Variants in BTBD7 observed in about 807,000 individuals in gnomAD.
The protein encoded by BTBD7 is BTB/POZ domain-containing protein 7.
In BTBD7, 38 loss-of-function variants were observed where a neutral mutation model predicts 99.9. The ratio of observed to expected loss-of-function variants is 0.38; its 90% confidence interval spans 0.29 to 0.50. BTBD7 has a LOEUF of 0.50. BTBD7 is among the 20% of genes least tolerant of loss of function. The probability of loss-of-function intolerance (pLI) is 0.93; values close to 1 mark genes in which losing one functional copy is unlikely to be tolerated. For missense variants in BTBD7, 1,170 were observed against 1,394.6 expected (o/e 0.84, Z 2.57); for synonymous variants, 520 against 511.4 (o/e 1.02, Z -0.23).
Position 93,246,158 on chromosome 14 carries a change from A to G in BTBD7, c.2250T>C (p.Ser750=). Residue 750 remains serine (S), a synonymous_variant, in exon 10 of 11, where the codon TCT becomes TCC. Coordinates refer to ENST00000334746, the MANE Select transcript of BTBD7 (RefSeq NM_001002860.4). The stretch of plus-strand genomic sequence containing the variant: ...GCAAGGGTGGATGGAAGGCCACAAA[A>G]GAGTCCAGATCTGTAAACATGGTTT... ...PAETMFTDLD[S]FVAFHPPLPP... is the part of the protein sequence containing the mutation. 5.6e-6 allele frequency: 9 copies of G among 1,614,068 alleles called. No individual in the cohort carries two copies. The highest frequency in any genetic ancestry group is 7.6e-6 in the Non-Finnish European group (9 of 1,179,970).
intron 3 of BTBD7, among the ~76,000 whole-genome samples, chr14:93,279,761 T>G (rs536914929): frequency 2.6e-5 from 4 of 152,216 alleles, no homozygotes; most frequent in Non-Finnish European, 5.9e-5. Context: ...TTGGCCAGAC[T>G]GATGGACTAT....
At chr14:93,332,792 A>C in intron 1 of BTBD7, 28 bp downstream of exon 1, 1 of 1,462,946 alleles carries the variant, frequency 6.8e-7, no homozygotes, top group Non-Finnish European at 9.0e-7. Flanking sequence ...TCGGCTCCAC[A>C]GCCTCAGAGA....
In BTBD7 at chr14:93,323,592, T is replaced by G. The variant is rs188032874; in HGVS notation, c.-107+9228A>C. Among the ~76,000 whole-genome samples, 395 of 152,338 alleles carry G rather than the reference T, an allele frequency of 2.6e-3. 1 individual carries two copies. Among genetic ancestry groups the G allele is most frequent in the Non-Finnish European group, 3.9e-3 (266 of 68,036 alleles). ...GTCTCATGAAGCATATTATAGAATT[T>G]TTCTCTAAAGAATAATTCACAATTG... On this transcript the variant is annotated intron_variant, in intron 1 of 10. Coordinates refer to ENST00000334746, the MANE Select transcript of BTBD7 (RefSeq NM_001002860.4).
rs199771497 is a variant in BTBD7, at chr14:93,245,307, T to TCAGAGG, written c.2583+512_2583+517dup. Among the ~76,000 whole-genome samples, 983 of 152,378 alleles carry TCAGAGG rather than the reference T, an allele frequency of 6.5e-3. 9 individuals are homozygous for TCAGAGG. Among genetic ancestry groups the TCAGAGG allele is most frequent in the African/African-American group, 0.022 (930 of 41,602 alleles). ...GAAGTGGGGGCTCTGCTGATGAGCT[T>TCAGAGG]CAGAGGCAGAGGCATGCCTGAGGCC... On this transcript the variant is annotated intron_variant, in intron 10 of 10. Transcript: ENST00000334746.
At chr14:93,291,472 G>A (rs1288705476) in intron 3 of BTBD7, among the ~76,000 whole-genome samples, 15 of 152,096 alleles carry the variant, frequency 9.9e-5, no homozygotes, top group Non-Finnish European at 2.1e-4. Context: ...CCTCAAGCGA[G>A]CTAATATTCT....
intron 1 of BTBD7, among the ~76,000 whole-genome samples, chr14:93,322,796 C>T (rs1157731462): frequency 6.6e-6 from 1 of 152,142 alleles, no homozygotes; most frequent in Non-Finnish European, 1.5e-5. Flanking sequence ...AAGGTATACT[C>T]TATTCCTCTT....
intron 3 of BTBD7, among the ~76,000 whole-genome samples, chr14:93,290,694 T>G (rs1192349482): frequency 6.6e-6 from 1 of 151,170 alleles, no homozygotes; most frequent in Non-Finnish European, 1.5e-5. Context: ...AATTTTTTTG[T>G]ATTTTTATTT....
rs907858220 is a variant in BTBD7, at chr14:93,242,025, CTTGTTCTTAAAAATGCCTCCCGACATAA to C, written c.*220_*247del. The C allele has an allele frequency of 1.5e-5, 7 of 482,210 alleles. No homozygotes were observed. Among genetic ancestry groups the C allele is most frequent in the Non-Finnish European group, 2.5e-5 (7 of 275,682 alleles). The allele number at this position is 482,210 out of a possible 1,614,324, so 29.9% of individuals were successfully genotyped here. On this transcript the variant is annotated 3_prime_UTR_variant, in exon 11 of 11. Transcript: ENST00000334746. The stretch of plus-strand genomic sequence containing the variant: ...AAGAGAAATAAAAAGTGCCAGCCTG[CTTGTTCTTAAAAATGCCTCCCGACATAA>C]TTGTTCAAAGACAAATTAGACAGAT...
At chr14:93,291,078 C>T (rs1353376102) in intron 3 of BTBD7, among the ~76,000 whole-genome samples, 5 of 147,710 alleles carry the variant, frequency 3.4e-5, no homozygotes, top group African/African-American at 5.0e-5. Flanking sequence ...AGTGATCCTC[C>T]TGCCTCAGCC....
chr14:93,300,795 T>G (rs1317186819), intron 1 of BTBD7, among the ~76,000 whole-genome samples: 1 of 145,524 alleles, frequency 6.9e-6, no homozygotes, highest in Non-Finnish European at 1.5e-5. Flanking sequence ...TATTTTTTTT[T>G]TGTAGAGATA....
At position 93,294,431 on chromosome 14, in the gene BTBD7, C is replaced by G. The variant is rs1285643310; in HGVS notation, c.589G>C (p.Ala197Pro). Residue 197 changes from alanine to proline, a missense_variant, in exon 3 of 11, where the codon GCT becomes CCT. Coordinates refer to ENST00000334746, the MANE Select transcript of BTBD7 (RefSeq NM_001002860.4). ...CCTGTATAAAGGTAGTGTAACAAAG[C>G]AGAAAACATGGGCATATCAATACCA... The part of the protein sequence containing the change: ...TAGIDMPMFS[A>P]LLHYLYTGEF... 1 of 1,614,140 alleles carries G rather than the reference C, an allele frequency of 6.2e-7. No individual in the cohort carries two copies. The highest frequency in any genetic ancestry group is 1.7e-5 in the Admixed American group (1 of 60,008).
At chr14:93,288,582 C>T (rs757496002) in intron 3 of BTBD7, 1 of 881,374 alleles carries the variant, frequency 1.1e-6, no homozygotes, top group Admixed American at 1.7e-5. Context: ...TGATCTCTGT[C>T]TCAATTTGGA....
chr14:93,264,239 A>G (rs1024846976), intron 3 of BTBD7, among the ~76,000 whole-genome samples: 1 of 152,190 alleles, frequency 6.6e-6, no homozygotes, highest in Non-Finnish European at 1.5e-5. Context: ...CAAGTTCAAG[A>G]TAATAAACAT....
At position 93,251,551 on chromosome 14, in the gene BTBD7, G is replaced by A. The variant is rs367630833; in HGVS notation, c.1854C>T (p.Ala618=). 2.5e-5 allele frequency: 40 copies of A among 1,613,814 alleles called. 1 individual carries two copies. Among genetic ancestry groups the A allele is most frequent in the South Asian group, 2.3e-4 (21 of 91,056 alleles). The change falls in exon 8 of 11, where the codon GCC becomes GCT. Residue 618 remains alanine (A), a synonymous_variant. Coordinates refer to ENST00000334746, the MANE Select transcript of BTBD7 (RefSeq NM_001002860.4). ...VPDTLYMVNN[A]VPQCCHMISH... The stretch of plus-strand genomic sequence containing the variant: ...TGATCATGTGACAACACTGTGGCAC[G>A]GCATTATTGACCATGTAGAGCGTGT...
Position 93,238,644 on chromosome 14 carries a change from T to C in BTBD7, c.*3629A>G, listed in dbSNP as rs1006454366. On this transcript the variant is annotated 3_prime_UTR_variant, in exon 11 of 11. Transcript: ENST00000334746. ...TATCTTACAAGTGTTTCATGAAACA[T>C]TGTTTTCCTAAAAGGCAAATTCAAC... The C allele has an allele frequency of 4.6e-5, 7 of 152,260 alleles. No homozygotes were observed. Among genetic ancestry groups the C allele is most frequent in the African/African-American group, 1.2e-4 (5 of 41,466 alleles). The allele number at this position is 152,260 out of a possible 1,614,324, so 9.4% of individuals were successfully genotyped here. A position where few individuals can be genotyped will look rare whatever the true frequency, so the allele number is the denominator to read the frequency against.
chr14:93,313,679 T>TACACACAC (rs57711099), intron 1 of BTBD7, among the ~76,000 whole-genome samples: 5,223 of 145,478 alleles, frequency 0.036, 103 homozygotes, highest in African/African-American at 0.057. Flanking sequence ...AAAATGAAAC[T>TACACACAC]ACACACACAC....
intron 2 of BTBD7, 148 bp from the exon 3 acceptor site, chr14:93,295,085 T>G: frequency 1.3e-6 from 1 of 754,436 alleles, no homozygotes; most frequent in Non-Finnish European, 2.0e-6. Context: ...AGACAAAAAG[T>G]TCAATTAACT....
At chr14:93,264,113 A>C (rs1386270571) in intron 3 of BTBD7, 120 bp from the exon 4 acceptor site, 1 of 843,952 alleles carries the variant, frequency 1.2e-6, no homozygotes, top group Non-Finnish European at 1.8e-6. Context: ...GAGATAAATA[A>C]AATCTCATGA....
chr14:93,243,787 A>G (rs2052267104), intron 10 of BTBD7, among the ~76,000 whole-genome samples: 1 of 152,240 alleles, frequency 6.6e-6, no homozygotes, highest in African/African-American at 2.4e-5. Flanking sequence ...CAAGACTGCA[A>G]TGAACAGACA....
Sources: gnomAD v4.1 joint callset for allele counts (sites outside exome capture counted in the v4.1 genomes callset) on GRCh38, gnomAD v4.1.1 for gene constraint, MANE v1.5 for transcripts, NCBI Gene and HGNC (gene_info 2026-07-23, HGNC 2026-07-21) for gene names.